Variants in FUS observed in about 807,000 individuals in gnomAD.
The protein encoded by FUS is FUS RNA binding protein.
A neutral mutation model predicts 82.7 loss-of-function variants in FUS; 5 were observed. The observed-to-expected ratio is 0.06, with a 90% CI of 0.03 to 0.13. The LOEUF (loss-of-function observed/expected upper bound fraction) is 0.13, where lower values mean the gene tolerates loss of function less well. FUS is among the 10% of genes least tolerant of loss of function. The pLI, the probability that FUS is intolerant of heterozygous loss-of-function variation, is 1.00. For missense variants in FUS, 512 were observed against 707.8 expected (o/e 0.72, Z 3.14); for synonymous variants, 281 against 247.4 (o/e 1.14, Z -1.27).
chr16:31,192,146 C>G, downstream of FUS: 1 of 529,896 alleles, frequency 1.9e-6, no homozygotes, highest in South Asian at 1.5e-5. Context: ...GGGTAGATAC[C>G]TGCTATAAGG....
intron 10 of FUS, 36 bp downstream of exon 10, chr16:31,189,830 G>C (rs879237367): frequency 1.2e-6 from 2 of 1,613,404 alleles, no homozygotes; most frequent in Non-Finnish European, 1.7e-6. Context: ...TGGGGCTGGG[G>C]ATATAGGGCA....
At position 31,191,566 on chromosome 16, in the gene FUS, A is replaced by G. The variant is rs750638040; in HGVS notation, c.*128A>G. 1 of 1,000,568 alleles carries G rather than the reference A, an allele frequency of 1.0e-6. No homozygotes were observed. Among genetic ancestry groups the G allele is most frequent in the Non-Finnish European group, 1.6e-6 (1 of 637,754 alleles). 62.0% of individuals were successfully genotyped at this position (1,000,568 alleles called of 1,614,324 possible). A position where few individuals can be genotyped will look rare whatever the true frequency, so the allele number is the denominator to read the frequency against. ...TGTGTCGGACTATGTAATTGTAACT[A>G]TACCTCTGGTTCCCATTAAAAGTGA... On this transcript the variant is annotated 3_prime_UTR_variant, in exon 15 of 15. Transcript: ENST00000254108.
At chr16:31,189,955 C>G (rs1018594566) in intron 10 of FUS, 85 bp from the exon 11 acceptor site, 12 of 1,555,408 alleles carry the variant, frequency 7.7e-6, no homozygotes, top group Admixed American at 1.8e-5. Flanking sequence ...GATTATAAAC[C>G]ATTTGAGAAA....
chr16:31,190,817 A>AGGG lies in FUS; in HGVS notation c.1371_1373dup (p.Gly458dup), dbSNP rs760855034. 3.1e-6 allele frequency: 5 copies of AGGG among 1,614,040 alleles called. No individual in the cohort carries two copies. In the Admixed American group the frequency reaches 5.0e-5, roughly 16 times the overall value. On this transcript the variant is annotated inframe_insertion, in exon 13 of 15. Coordinates refer to ENST00000254108, the MANE Select transcript of FUS (RefSeq NM_004960.4). ...AGGCCCCTAAACCAGATGGCCCAGG[A>AGGG]GGGGGACCAGGTGGCTCTCACATGG...
At chr16:31,189,065 T>C in intron 8 of FUS, 58 bp from the exon 9 acceptor site, 2 of 1,358,568 alleles carry the variant, frequency 1.5e-6, no homozygotes, top group East Asian at 2.3e-5. Flanking sequence ...CTTTAGGTTT[T>C]TTCCTGTGTT....
chr16:31,191,131 A>G (rs763829458), intron 14 of FUS, 21 bp downstream of exon 14: 1 of 1,611,410 alleles, frequency 6.2e-7, no homozygotes, highest in African/African-American at 1.3e-5. Context: ...AAATCAGAAT[A>G]AAAAAGTAGA....
rs766928625 is a variant in FUS at position 31,185,093 on chromosome 16, C to T, written c.678C>T (p.Gly226=). The T allele has an allele frequency of 1.9e-5, 31 of 1,605,216 alleles. No individual in the cohort carries two copies. The highest frequency in any genetic ancestry group is 1.6e-4 in the Middle Eastern group (1 of 6,066). Residue 226 remains glycine (G), a synonymous_variant, in exon 6 of 15, where the codon GGC becomes GGT. Coordinates refer to ENST00000254108, the MANE Select transcript of FUS (RefSeq NM_004960.4). ...GGGGTGGCAGTGGTGGCGGCGGCGG[C>T]GGCGGCGGTGGTGGTTACAACCGCA... is the stretch of plus-strand genomic sequence containing the variant. The part of the protein sequence containing the change: ...RGRGGSGGGG[G]GGGGGYNRSS...
intron 12 of FUS, 159 bp from the exon 13 acceptor site, chr16:31,190,583 A>G: frequency 8.6e-7 from 1 of 1,168,610 alleles, no homozygotes; most frequent in East Asian, 2.3e-5. Flanking sequence ...TGGGTTCAGT[A>G]ATACTGATTT....
intron 7 of FUS, chr16:31,187,929 TC>T (rs1210843480): frequency 3.2e-6 from 1 of 307,784 alleles, no homozygotes; most frequent in African/African-American, 2.1e-5. Context: ...TGGATGCACA[TC>T]GCATGGCTGG....
At chr16:31,188,085 T>G in intron 7 of FUS, 1 of 577,386 alleles carries the variant, frequency 1.7e-6, no homozygotes, top group Non-Finnish European at 3.1e-6. Context: ...TTTGCTGAAG[T>G]GTGGAGTTGT....
downstream of FUS, chr16:31,192,115 C>T (rs1045522741): frequency 3.8e-6 from 2 of 531,568 alleles, no homozygotes; most frequent in Admixed American, 4.5e-5. Context: ...CCCTTCCTAG[C>T]TGCCCTGGTG....
At chr16:31,185,308 T>C in intron 6 of FUS, 129 bp downstream of exon 6, 1 of 1,186,822 alleles carries the variant, frequency 8.4e-7, no homozygotes, top group Non-Finnish European at 1.2e-6. Context: ...GGGCTTTGAT[T>C]TGGGGGCAGT....
At chr16:31,184,901 T>G (rs1181128697) in intron 5 of FUS, 38 bp from the exon 6 acceptor site, 1 of 1,603,776 alleles carries the variant, frequency 6.2e-7, no homozygotes, top group Non-Finnish European at 8.5e-7. Context: ...TACAATCTTT[T>G]TGTTTTTTTT....
At chr16:31,191,901 A>G (rs1457400809), downstream of FUS, 1 of 537,578 alleles carries the variant, frequency 1.9e-6, no homozygotes, top group Admixed American at 2.2e-5. Flanking sequence ...GTTTATTTGC[A>G]GCAGTTTATC....
chr16:31,192,171 G>A (rs775289056), downstream of FUS: 4 of 528,804 alleles, frequency 7.6e-6, no homozygotes, highest in South Asian at 6.1e-5. Flanking sequence ...TGGTCTGGCT[G>A]GGTTACTTTC....
At chr16:31,193,799 G>C, downstream of FUS, 1 of 517,494 alleles carries the variant, frequency 1.9e-6, no homozygotes, top group African/African-American at 1.9e-5. Context: ...ACCACACCTG[G>C]GTAATTTTTT....
chr16:31,189,585 C>T (rs1365807060), intron 9 of FUS, 80 bp from the exon 10 acceptor site: 16 of 1,594,298 alleles, frequency 1.0e-5, no homozygotes, highest in South Asian at 5.5e-5. Flanking sequence ...GAATTATAAA[C>T]CTCATGTTCT....
rs2079192582 is a variant in FUS, at chr16:31,182,393, T to C, written c.14-5T>C. ...AGATAATGTGATTGTATTTTTCTTT[T>C]GCAGATTATACCCAACAAGCAACCC... On this transcript the variant is annotated splice_region_variant and splice_polypyrimidine_tract_variant and intron_variant, in intron 1 of 14. Coordinates refer to ENST00000254108, the MANE Select transcript of FUS (RefSeq NM_004960.4). 6.2e-7 allele frequency: 1 copy of C among 1,614,098 alleles called. No homozygotes were observed. The highest frequency in any genetic ancestry group is 1.7e-5 in the Admixed American group (1 of 60,018).
At chr16:31,188,797 T>C (rs577304936) in intron 8 of FUS, 6 of 470,134 alleles carry the variant, frequency 1.3e-5, no homozygotes, top group South Asian at 1.3e-4. Flanking sequence ...ATGGGTTTCT[T>C]ATTTAATTCG....
Sources: gnomAD v4.1 joint callset for allele counts on GRCh38, gnomAD v4.1.1 for gene constraint, MANE v1.5 for transcripts, NCBI Gene and HGNC (gene_info 2026-07-23, HGNC 2026-07-21) for gene names.